Variants in CNTN5 observed in about 807,000 individuals in gnomAD.
The protein encoded by CNTN5 is contactin 5, also known as contactin-5.
A neutral mutation model predicts 129.1 loss-of-function variants in CNTN5; 77 were observed. The ratio of observed to expected loss-of-function variants is 0.60; its 90% CI spans 0.50 to 0.72. The LOEUF is 0.72. Ranked by LOEUF, CNTN5 falls within the 30% of genes least tolerant of loss-of-function variation. The probability of loss-of-function intolerance (pLI) is 0.00; values close to 1 mark genes in which losing one functional copy is unlikely to be tolerated. For missense variants in CNTN5, 1,478 were observed against 1,328.8 expected, an observed-to-expected ratio of 1.11 and a Z score of -1.75; for synonymous variants, 509 against 465.6, an observed-to-expected ratio of 1.09 and a Z score of -1.20.
chr11:100,088,488 C>T (rs1281498705), intron 13 of CNTN5, among the ~76,000 whole-genome samples: 1 of 151,848 alleles, frequency 6.6e-6, no homozygotes, highest in East Asian at 1.9e-4. Flanking sequence ...TGACAGACTG[C>T]TAGCTAAATT....
chr11:99,219,020 G>A (rs1378443818), intron 1 of CNTN5, among the ~76,000 whole-genome samples: 2 of 151,906 alleles, frequency 1.3e-5, no homozygotes, highest in Non-Finnish European at 2.9e-5. Flanking sequence ...GCTTTAATAT[G>A]AAATAAAAAT....
intron 3 of CNTN5, among the ~76,000 whole-genome samples, chr11:99,602,027 A>C (rs1207419099): frequency 6.6e-6 from 1 of 152,160 alleles, no homozygotes; most frequent in African/African-American, 2.4e-5. Flanking sequence ...TTTAAATATT[A>C]CATATACAGA....
rs188049846 is a variant in CNTN5 at position 100,166,861 on chromosome 11, T to C, written c.1581-24265T>C. Among the ~76,000 whole-genome samples the C allele has an allele frequency of 4.2e-3, 632 of 151,970 alleles. 2 individuals are homozygous for C. Among genetic ancestry groups the C allele is most frequent in the African/African-American group, 0.015 (603 of 41,508 alleles). ...TTTCTTGGATCAGTTATCTTAGTTT[T>C]AGAGTCATATGGTGTGAAGGACTAA... On this transcript the variant is annotated intron_variant, in intron 13 of 24. Coordinates refer to ENST00000524871, the MANE Select transcript of CNTN5 (RefSeq NM_014361.4).
intron 3 of CNTN5, among the ~76,000 whole-genome samples, chr11:99,744,923 C>A (rs1944005956): frequency 6.6e-6 from 1 of 152,106 alleles, no homozygotes; most frequent in African/African-American, 2.4e-5. Context: ...AACTGTAAGG[C>A]AGGCGTTATT....
chr11:99,395,869 T>C (rs1477430671), intron 2 of CNTN5, among the ~76,000 whole-genome samples: 1 of 151,980 alleles, frequency 6.6e-6, no homozygotes, highest in Non-Finnish European at 1.5e-5. Context: ...TTGGCCTTAT[T>C]TCTGGGCTAT....
chr11:99,360,024 A>G (rs999133419), intron 2 of CNTN5, among the ~76,000 whole-genome samples: 2 of 152,188 alleles, frequency 1.3e-5, no homozygotes, highest in South Asian at 2.1e-4. Context: ...CCATAAATAC[A>G]TATACCCACT....
intron 2 of CNTN5, among the ~76,000 whole-genome samples, chr11:99,375,426 G>C (rs1003470943): frequency 2.0e-5 from 3 of 151,666 alleles, no homozygotes; most frequent in Non-Finnish European, 2.9e-5. Flanking sequence ...GGATAGAAGA[G>C]TCTAGATAAT....
intron 2 of CNTN5, among the ~76,000 whole-genome samples, chr11:99,336,663 G>C (rs1866237692): frequency 6.6e-6 from 1 of 151,838 alleles, no homozygotes; most frequent in South Asian, 2.1e-4. Context: ...ATCATGGTGA[G>C]ACTCCGTCTC....
chr11:99,637,033 A>AAAAAAAAAAAAAAAAAAAAAG (rs1951586540), intron 3 of CNTN5, among the ~76,000 whole-genome samples: 1 of 143,172 alleles, frequency 7.0e-6, no homozygotes. Context: ...AAAAAAAAAA[A>AAAAAAAAAAAAAAAAAAAAAG]AAAAAAAAGT....
intron 2 of CNTN5, among the ~76,000 whole-genome samples, chr11:99,362,356 G>A (rs964313027): frequency 6.6e-6 from 1 of 151,736 alleles, no homozygotes; most frequent in Admixed American, 6.6e-5. Flanking sequence ...TTGAGTTATA[G>A]GTTCTTTATA....
chr11:100,197,380 G>A (rs1204079372), intron 15 of CNTN5, among the ~76,000 whole-genome samples: 1 of 152,004 alleles, frequency 6.6e-6, no homozygotes, highest in Non-Finnish European at 1.5e-5. Context: ...TGACAGCTGT[G>A]TGGAGCAGGG....
intron 21 of CNTN5, chr11:100,337,122 T>C: frequency 2.1e-6 from 3 of 1,413,922 alleles, no homozygotes; most frequent in Admixed American, 3.4e-5. Context: ...CAACCAACAT[T>C]GTTTACAAAA....
At chr11:99,908,114 T>C (rs557357302) in intron 6 of CNTN5, among the ~76,000 whole-genome samples, 57 of 152,090 alleles carry the variant, frequency 3.7e-4, no homozygotes, top group African/African-American at 1.3e-3. Context: ...GCTATACAAG[T>C]GTTTTTGTTT....
chr11:99,882,235 T>C (rs1036152184), intron 6 of CNTN5, among the ~76,000 whole-genome samples: 2 of 152,196 alleles, frequency 1.3e-5, no homozygotes, highest in Admixed American at 1.3e-4. Flanking sequence ...CATCAGTAAG[T>C]GATCTAGATA....
chr11:100,074,768 T>A (rs1191838157), intron 13 of CNTN5, among the ~76,000 whole-genome samples: 1 of 152,156 alleles, frequency 6.6e-6, no homozygotes, highest in Non-Finnish European at 1.5e-5. Context: ...CAAAATAGTA[T>A]AGGATTATTT....
chr11:99,956,735 T>G (rs897212814), intron 7 of CNTN5, 71 bp from the exon 8 acceptor site: 62 of 1,110,492 alleles, frequency 5.6e-5, no homozygotes, highest in Non-Finnish European at 8.2e-5. Context: ...TCTAAAGGCT[T>G]TGTTGTTTGA....
intron 2 of CNTN5, among the ~76,000 whole-genome samples, chr11:99,446,253 T>G (rs1944067252): frequency 6.6e-6 from 1 of 152,162 alleles, no homozygotes; most frequent in South Asian, 2.1e-4. Context: ...GCTGTGGACA[T>G]TTTTGAAGCC....
At chr11:100,126,491 A>C (rs1360755284) in intron 13 of CNTN5, among the ~76,000 whole-genome samples, 1 of 152,034 alleles carries the variant, frequency 6.6e-6, no homozygotes. Flanking sequence ...TAGGATAGCT[A>C]ACTCTTCTTG....
At chr11:99,197,658 A>G (rs1591345690) in intron 1 of CNTN5, among the ~76,000 whole-genome samples, 1 of 152,040 alleles carries the variant, frequency 6.6e-6, no homozygotes, top group South Asian at 2.1e-4. Flanking sequence ...TGTCACCCTG[A>G]CTTCCTTGCC....
Sources: gnomAD v4.1 joint callset for allele counts (sites outside exome capture counted in the v4.1 genomes callset) on GRCh38, gnomAD v4.1.1 for gene constraint, MANE v1.5 for transcripts, NCBI Gene and HGNC (gene_info 2026-07-23, HGNC 2026-07-21) for gene names.